The following NFILZ variants were observed in gnomAD, a reference collection of about 807,000 sequenced individuals.
NFILZ encodes NFIL3 like basic leucine zipper, also known as NFIL3 like protein.
intron 3 of NFILZ, among the ~76,000 whole-genome samples, chr19:8,667,611 G>A (rs971381786): frequency 1.3e-5 from 2 of 151,916 alleles, no homozygotes; most frequent in Non-Finnish European, 2.9e-5. Flanking sequence ...GCAGTGGTGC[G>A]ATCTCGGCTC....
chr19:8,651,634 C>A (rs986341831), intron 3 of NFILZ, among the ~76,000 whole-genome samples: 3 of 152,214 alleles, frequency 2.0e-5, no homozygotes, highest in East Asian at 1.9e-4. Flanking sequence ...TGGACTCATG[C>A]GATCCTCCTA....
At chr19:8,664,062 A>T (rs1417776237) in intron 3 of NFILZ, among the ~76,000 whole-genome samples, 1 of 151,980 alleles carries the variant, frequency 6.6e-6, no homozygotes, top group Non-Finnish European at 1.5e-5. Flanking sequence ...GCTGGGAGTG[A>T]GTTTAAGGAA....
intron 3 of NFILZ, among the ~76,000 whole-genome samples, chr19:8,654,818 C>T (rs2042985244): frequency 6.6e-6 from 1 of 152,166 alleles, no homozygotes; most frequent in Non-Finnish European, 1.5e-5. Context: ...GGTCGCACCT[C>T]AGGACGTCTC....
At chr19:8,633,422 C>T (rs1042564361) in intron 2 of NFILZ, among the ~76,000 whole-genome samples, 2 of 152,110 alleles carry the variant, frequency 1.3e-5, no homozygotes, top group Non-Finnish European at 2.9e-5. Flanking sequence ...GGGTCTGGAT[C>T]GGGACCCTTT....
At chr19:8,634,377 C>T (rs1257589058) in intron 2 of NFILZ, among the ~76,000 whole-genome samples, 1 of 151,948 alleles carries the variant, frequency 6.6e-6, no homozygotes, top group Non-Finnish European at 1.5e-5. Flanking sequence ...CCTTGAATGT[C>T]TGGGCTCAAA....
In NFILZ at chr19:8,658,438, G is replaced by A. The variant is rs1027747938; in HGVS notation, c.-163-16113G>A. On this transcript the variant is annotated intron_variant, in intron 3 of 5. Coordinates refer to ENST00000691075, the MANE Select transcript of NFILZ (RefSeq NM_001378600.1). ...GGGCACCTGGTCTCTACCCACCAGG[G>A]GCCAGTAGCACTTCCCAAGTGAGGA... Among the ~76,000 whole-genome samples, 5 of 152,052 alleles carry A rather than the reference G, an allele frequency of 3.3e-5. No individual in the cohort carries two copies. In the East Asian group the frequency reaches 9.6e-4, roughly 29 times the overall value.
intron 3 of NFILZ, among the ~76,000 whole-genome samples, chr19:8,661,067 C>T (rs1294446911): frequency 6.4e-5 from 6 of 94,046 alleles, no homozygotes; most frequent in Admixed American, 2.2e-4. Flanking sequence ...CCTTCCTTCC[C>T]CCTCCCTCCC....
Position 8,632,548 on chromosome 19 carries a change from A to C in NFILZ, c.-338A>C, listed in dbSNP as rs1600136354. 6.6e-6 allele frequency: 1 copy of C among 151,748 alleles called. No homozygotes were observed. The highest frequency in any genetic ancestry group is 1.5e-5 in the Non-Finnish European group (1 of 67,978). 9.4% of individuals were successfully genotyped at this position (151,748 alleles called of 1,614,324 possible). On this transcript the variant is annotated 5_prime_UTR_variant, in exon 2 of 6. Coordinates refer to ENST00000691075, the MANE Select transcript of NFILZ (RefSeq NM_001378600.1). ...GACCTCTGATTGTCCTCACTGCTAC[A>C]CTCCCACCAGCCCCCTGACGGTTTA...
intron 3 of NFILZ, among the ~76,000 whole-genome samples, chr19:8,670,855 C>T (rs559244872): frequency 2.0e-5 from 3 of 152,164 alleles, no homozygotes; most frequent in African/African-American, 4.8e-5. Context: ...ATTAGTCAGG[C>T]GTGGTGGCAA....
intron 3 of NFILZ, among the ~76,000 whole-genome samples, chr19:8,637,621 A>T (rs1415165936): frequency 6.6e-6 from 1 of 151,096 alleles, no homozygotes; most frequent in Non-Finnish European, 1.5e-5. Context: ...TCAAAAAAAA[A>T]AAAGGCCGAG....
chr19:8,650,427 G>A (rs1555747592), intron 3 of NFILZ, among the ~76,000 whole-genome samples: 4 of 152,106 alleles, frequency 2.6e-5, no homozygotes, highest in African/African-American at 9.7e-5. Context: ...GGCCAAGGCA[G>A]GGGGATCTCC....
At chr19:8,672,581 C>T (rs1288825178) in intron 3 of NFILZ, among the ~76,000 whole-genome samples, 1 of 131,292 alleles carries the variant, frequency 7.6e-6, no homozygotes. Context: ...AAAAAATATT[C>T]ATGCATTTAT....
chr19:8,653,972 T>C (rs192339186), intron 3 of NFILZ, among the ~76,000 whole-genome samples: 213 of 152,320 alleles, frequency 1.4e-3, no homozygotes, highest in African/African-American at 4.0e-3. Flanking sequence ...CTTACACTTG[T>C]AATCCCAGCA....
rs116764815 is a variant in NFILZ, at chr19:8,640,982, G to A, written c.-164+5236G>A. ...AACCTTGACTGCAGTTCAATGCCTC[G>A]GTAATATGGACTGAATTGTAACTAA... On this transcript the variant is annotated intron_variant, in intron 3 of 5. Transcript: ENST00000691075. Among the ~76,000 whole-genome samples the A allele has an allele frequency of 2.6e-3, 395 of 152,254 alleles. 1 individual carries two copies. Among genetic ancestry groups the A allele is most frequent in the African/African-American group, 9.0e-3 (372 of 41,558 alleles).
At chr19:8,631,051 G>T (rs1400369724) in intron 1 of NFILZ, among the ~76,000 whole-genome samples, 1 of 152,166 alleles carries the variant, frequency 6.6e-6, no homozygotes, top group African/African-American at 2.4e-5. Flanking sequence ...ATAGACACCT[G>T]TGCTTTGCAC....
At chr19:8,642,016 GT>G (rs2042921307) in intron 3 of NFILZ, among the ~76,000 whole-genome samples, 1 of 151,846 alleles carries the variant, frequency 6.6e-6, no homozygotes, top group Non-Finnish European at 1.5e-5. Flanking sequence ...TACATTTTAT[GT>G]TTTTTGTAGA....
intron 3 of NFILZ, among the ~76,000 whole-genome samples, chr19:8,670,311 A>AGGCTG (rs1452183995): frequency 1.2e-4 from 18 of 152,274 alleles, no homozygotes; most frequent in African/African-American, 4.3e-4. Context: ...CATGTTGCCC[A>AGGCTG]GGCTGGTCTT....
intron 3 of NFILZ, among the ~76,000 whole-genome samples, chr19:8,670,646 G>A (rs2043082316): frequency 6.6e-6 from 1 of 152,150 alleles, no homozygotes; most frequent in Admixed American, 6.5e-5. Flanking sequence ...TGCTGGGTTG[G>A]GTGACTATAG....
intron 3 of NFILZ, among the ~76,000 whole-genome samples, chr19:8,653,052 C>T (rs1234271941): frequency 0.056 from 5,416 of 96,622 alleles, 204 homozygotes; most frequent in Non-Finnish European, 0.065. Context: ...CTCTCTCTCT[C>T]TCTCTCTCTC....
Sources: allele counts gnomAD v4.1 joint callset (sites outside exome capture counted in the v4.1 genomes callset), GRCh38; gene constraint gnomAD v4.1.1; transcripts MANE v1.5; gene names NCBI Gene and HGNC (gene_info 2026-07-23, HGNC 2026-07-21).